The following MYO18A variants were observed in gnomAD, a reference collection of about 807,000 sequenced individuals.
The protein encoded by MYO18A is unconventional myosin-XVIIIa.
Under a neutral mutation model 235.8 loss-of-function variants are expected in MYO18A, and 78 were observed. That is an observed-to-expected ratio of 0.33 (90% CI 0.28 to 0.40). MYO18A has a LOEUF of 0.40. Among genes scored for constraint, MYO18A ranks in the 10% least tolerant of loss-of-function variants. The pLI, the probability that MYO18A is intolerant of heterozygous loss-of-function variation, is 1.00. For missense variants in MYO18A, 2,215 were observed against 2,699.3 expected, an observed-to-expected ratio of 0.82 and a Z score of 3.98; for synonymous variants, 977 against 1,077.8, an observed-to-expected ratio of 0.91 and a Z score of 1.83.
chr17:29,090,622 A>G lies in MYO18A; in HGVS notation c.5305-7T>C. 3.1e-6 allele frequency: 5 copies of G among 1,596,226 alleles called. No individual in the cohort carries two copies. The highest frequency in any genetic ancestry group is 4.3e-6 in the Non-Finnish European group (5 of 1,170,660). ...GAGCCAGGTCCCGGGAAGCCTGGGA[A>G]AGGAATGAGAGCATCAGAAGCAGGA... On this transcript the variant is annotated splice_polypyrimidine_tract_variant and splice_region_variant and intron_variant, in intron 35 of 41. Transcript: ENST00000527372.
At chr17:29,079,803 C>T (rs925657769) in intron 41 of MYO18A, 3 of 985,978 alleles carry the variant, frequency 3.0e-6, no homozygotes, top group Admixed American at 1.2e-4. Flanking sequence ...TCTTTTCCTC[C>T]TTCCTCGACG....
chr17:29,080,584 G>A (rs1269644749), intron 41 of MYO18A: 1 of 985,732 alleles, frequency 1.0e-6, no homozygotes, highest in Non-Finnish European at 1.2e-6. Context: ...GCGGGAACCG[G>A]GCGAGCCCGA....
chr17:29,092,022 C>T (rs2065012233), intron 34 of MYO18A, among the ~76,000 whole-genome samples: 1 of 152,246 alleles, frequency 6.6e-6, no homozygotes, highest in African/African-American at 2.4e-5. Flanking sequence ...TCTCTAGGCA[C>T]CTGTTTACAT....
chr17:29,166,651 A>G lies in MYO18A; in HGVS notation c.290T>C (p.Leu97Pro). ...RGSVILDSGH[L>P]STASSSDDLK... ...GTCATCGCTGGAGCTGGCTGTACTTAGGTGGCCCGAGTCCAGGATGACGCT... is the reference window on the plus strand; with the variant it reads ...GTCATCGCTGGAGCTGGCTGTACTTGGGTGGCCCGAGTCCAGGATGACGCT... The change falls in exon 2 of 42, where the codon CTA (leucine) becomes CCA (proline). Residue 97 changes from leucine to proline, a missense_variant. By Grantham distance (98) the Leu-to-Pro change is moderately conservative. Transcript: ENST00000527372. 6.2e-7 allele frequency: 1 copy of G among 1,613,762 alleles called. No homozygotes were observed. The highest frequency in any genetic ancestry group is 8.5e-7 in the Non-Finnish European group (1 of 1,179,826).
intron 20 of MYO18A, among the ~76,000 whole-genome samples, chr17:29,104,414 G>A (rs1032234828): frequency 6.6e-5 from 10 of 152,152 alleles, no homozygotes; most frequent in Non-Finnish European, 1.2e-4. Flanking sequence ...TCCAATTTAC[G>A]TAACTAAGCA....
At chr17:29,146,187 G>A (rs1168666374) in intron 2 of MYO18A, among the ~76,000 whole-genome samples, 1 of 152,154 alleles carries the variant, frequency 6.6e-6, no homozygotes, top group Non-Finnish European at 1.5e-5. Flanking sequence ...GAACCCGGGA[G>A]GCAGAGGTTG....
rs761770429 is a variant in MYO18A, at chr17:29,115,247, C to T, written c.2318+104G>A. ...TGCTCATAGCCCATGGGACAGGGAG[C>T]CCCTGCTGGAAGAGACCGGCTCTGC... is the stretch of plus-strand genomic sequence containing the variant. On this transcript the variant is annotated intron_variant, in intron 13 of 41. Transcript: ENST00000527372. 2.6e-5 allele frequency: 37 copies of T among 1,447,174 alleles called. No individual in the cohort carries two copies. In the African/African-American group the frequency reaches 3.8e-4, roughly 15 times the overall value. 89.6% of individuals were successfully genotyped at this position (1,447,174 alleles called of 1,614,324 possible). A position where few individuals can be genotyped will look rare whatever the true frequency, so the allele number is the denominator to read the frequency against.
rs933840688 is a variant in MYO18A, at chr17:29,140,022, G to A, written c.1000-17769C>T. On this transcript the variant is annotated intron_variant, in intron 2 of 41. Coordinates refer to ENST00000527372, the MANE Select transcript of MYO18A (RefSeq NM_078471.4). This position sits in a 1 kb window ranked among gnomAD's most constrained non-coding sequence, Gnocchi z 4.2. ...AGCACTAATGGTTGGTGGGGAAGGC[G>A]TGTCACAGCCTTGGGGGTGGATGCA... 3.3e-5 allele frequency among the ~76,000 whole-genome samples: 5 copies of A among 152,212 alleles called. No homozygotes were observed. Among genetic ancestry groups the A allele is most frequent in the Non-Finnish European group, 5.9e-5 (4 of 68,034 alleles).
At chr17:29,154,121 T>TGTGTGTGTGTGTGTGTGTGTGTGCGC (rs142430455) in intron 2 of MYO18A, among the ~76,000 whole-genome samples, 4 of 149,000 alleles carry the variant, frequency 2.7e-5, no homozygotes, top group African/African-American at 1.0e-4. Context: ...TGTGTGTGTG[T>TGTGTGTGTGTGTGTGTGTGTGTGCGC]GCGCGCGCGT....
chr17:29,132,122 A>C (rs547931618), intron 2 of MYO18A, among the ~76,000 whole-genome samples: 3 of 152,174 alleles, frequency 2.0e-5, no homozygotes, highest in Non-Finnish European at 2.9e-5. Context: ...CGGGGTATGG[A>C]GGAAGGAAAG....
In MYO18A at chr17:29,073,786, G is replaced by A. The variant is rs2152703014; in HGVS notation, c.*984C>T. 6.8e-7 allele frequency: 1 copy of A among 1,465,670 alleles called. No individual in the cohort carries two copies. Among genetic ancestry groups the A allele is most frequent in the Non-Finnish European group, 9.3e-7 (1 of 1,070,596 alleles). The allele number at this position is 1,465,670 out of a possible 1,614,324, so 90.8% of individuals were successfully genotyped here. On this transcript the variant is annotated 3_prime_UTR_variant, in exon 42 of 42. Coordinates refer to ENST00000527372, the MANE Select transcript of MYO18A (RefSeq NM_078471.4). ...GAATGACACGGGCTCAGGACACAGA[G>A]TGAGGACTCATGTCTAATGAGCACC...
intron 1 of MYO18A, among the ~76,000 whole-genome samples, 189 bp from the exon 2 acceptor site, chr17:29,167,210 AC>A (rs1439635234): frequency 3.9e-5 from 6 of 152,158 alleles, no homozygotes; most frequent in Admixed American, 1.3e-4. Flanking sequence ...TACTATTATT[AC>A]CCCATTTTAC....
chr17:29,140,303 G>A lies in MYO18A; in HGVS notation c.1000-18050C>T. 3.3e-6 allele frequency: 4 copies of A among 1,212,558 alleles called. No homozygotes were observed. The highest frequency in any genetic ancestry group is 4.2e-6 in the Non-Finnish European group (4 of 946,174). 75.1% of individuals were successfully genotyped at this position (1,212,558 alleles called of 1,614,324 possible). A position where few individuals can be genotyped will look rare whatever the true frequency, so the allele number is the denominator to read the frequency against. The stretch of plus-strand genomic sequence containing the variant: ...ATGAGGAAATAGCATGAGGAGCCTG[G>A]GACATTTCCGGGGTGGGGGGTCAGA... On this transcript the variant is annotated intron_variant, in intron 2 of 41. Coordinates refer to ENST00000527372, the MANE Select transcript of MYO18A (RefSeq NM_078471.4). The surrounding 1 kb of genome is among the most constrained non-coding windows in gnomAD (Gnocchi z 4.2).
Position 29,125,260 on chromosome 17 carries a change from GCT to G in MYO18A, c.1000-3009_1000-3008del, listed in dbSNP as rs1379919533. Among the ~76,000 whole-genome samples, 1 of 152,170 alleles carries G rather than the reference GCT, an allele frequency of 6.6e-6. No homozygotes were observed. Among genetic ancestry groups the G allele is most frequent in the Non-Finnish European group, 1.5e-5 (1 of 68,040 alleles). On this transcript the variant is annotated intron_variant, in intron 2 of 41. Coordinates refer to ENST00000527372, the MANE Select transcript of MYO18A (RefSeq NM_078471.4). This position sits in a 1 kb window ranked among gnomAD's most constrained non-coding sequence, Gnocchi z 5.1. The stretch of plus-strand genomic sequence containing the variant: ...CGCCCTGCACCTCTCATAGAACACA[GCT>G]CCCAGCAGCTTGCAGTCTAGAATCT...
chr17:29,115,959 C>A, intron 11 of MYO18A, 119 bp from the exon 12 acceptor site: 1 of 1,130,064 alleles, frequency 8.8e-7, no homozygotes, highest in Non-Finnish European at 1.2e-6. Flanking sequence ...CTGATGACAC[C>A]CGATGGGCTT....
intron 28 of MYO18A, 52 bp downstream of exon 28, chr17:29,096,705 CCTGT>C (rs2066526128): frequency 6.7e-7 from 1 of 1,497,334 alleles, no homozygotes; most frequent in South Asian, 1.4e-5. Context: ...AGGAGGCAGT[CCTGT>C]CTGTGGCTGC....
Position 29,094,920 on chromosome 17 carries a change from G to A in MYO18A, c.4509+16C>T. The A allele has an allele frequency of 6.2e-7, 1 of 1,611,704 alleles. No homozygotes were observed. The highest frequency in any genetic ancestry group is 8.5e-7 in the Non-Finnish European group (1 of 1,178,064). On this transcript the variant is annotated intron_variant, in intron 29 of 41. Coordinates refer to ENST00000527372, the MANE Select transcript of MYO18A (RefSeq NM_078471.4). ...GTGAGGGGGACAGGGCACAGATGGT[G>A]GGTGGCCCTACCCACCTCTAGTTGC... is the stretch of plus-strand genomic sequence containing the variant.
At chr17:29,133,934 T>C (rs1459117464) in intron 2 of MYO18A, 2 of 1,127,818 alleles carry the variant, frequency 1.8e-6, no homozygotes, top group Non-Finnish European at 2.3e-6. Context: ...CCTGCCAGGA[T>C]AAACACTGTG....
At chr17:29,151,059 G>C (rs2067954697) in intron 2 of MYO18A, among the ~76,000 whole-genome samples, 1 of 152,072 alleles carries the variant, frequency 6.6e-6, no homozygotes, top group African/African-American at 2.4e-5. Context: ...ACCAGCCTGG[G>C]CAACATAGTG....
Sources: gnomAD v4.1 joint callset for allele counts (sites outside exome capture counted in the v4.1 genomes callset) on GRCh38, gnomAD v4.1.1 for gene constraint, Gnocchi (gnomAD v3.1) non-coding constraint, MANE v1.5 for transcripts, NCBI Gene and HGNC (gene_info 2026-07-23, HGNC 2026-07-21) for gene names.